KCTD16: variants seen among roughly 807,000 people sequenced by gnomAD.
KCTD16 encodes potassium channel tetramerization domain containing 16.
KCTD16 carries 13 observed loss-of-function variants against 33.2 expected under a neutral mutation model. The ratio of observed to expected loss-of-function variants is 0.39; its 90% CI spans 0.25 to 0.62. The LOEUF is 0.62. Among genes scored for constraint, KCTD16 ranks in the 20% least tolerant of loss-of-function variants. The probability of loss-of-function intolerance (pLI) is 0.50; values close to 1 mark genes in which losing one functional copy is unlikely to be tolerated. For missense variants in KCTD16, 441 were observed against 525.1 expected, an observed-to-expected ratio of 0.84 and a Z score of 1.57; for synonymous variants, 197 against 195.3, an observed-to-expected ratio of 1.01 and a Z score of -0.07.
At chr5:144,171,930 T>A (rs1752393619) in intron 1 of KCTD16, among the ~76,000 whole-genome samples, 1 of 152,202 alleles carries the variant, frequency 6.6e-6, no homozygotes, top group African/African-American at 2.4e-5. Context: ...TGACTCGAAA[T>A]AAGATGCTAT....
intron 3 of KCTD16, among the ~76,000 whole-genome samples, chr5:144,464,965 A>T (rs1754288057): frequency 6.6e-6 from 1 of 152,180 alleles, no homozygotes; most frequent in Non-Finnish European, 1.5e-5. Flanking sequence ...GATTATGAGT[A>T]AATCCCTGTG....
chr5:144,292,313 G>A (rs1290894924), intron 3 of KCTD16, among the ~76,000 whole-genome samples: 1 of 152,186 alleles, frequency 6.6e-6, no homozygotes, highest in Non-Finnish European at 1.5e-5. Context: ...GGATACTATT[G>A]AGCAGAGCAT....
At chr5:144,305,849 TAAG>T (rs998083215) in intron 3 of KCTD16, among the ~76,000 whole-genome samples, 1 of 151,870 alleles carries the variant, frequency 6.6e-6, no homozygotes, top group African/African-American at 2.4e-5. Flanking sequence ...AAATAAAAAA[TAAG>T]AAGGAGTCCA....
chr5:144,349,405 C>T (rs1752888961), intron 3 of KCTD16, among the ~76,000 whole-genome samples: 1 of 152,154 alleles, frequency 6.6e-6, no homozygotes, highest in South Asian at 2.1e-4. Context: ...ATGTGAAATA[C>T]ACAAGTAGTT....
At chr5:144,448,211 T>G (rs1389598832) in intron 3 of KCTD16, among the ~76,000 whole-genome samples, 1 of 152,158 alleles carries the variant, frequency 6.6e-6, no homozygotes, top group African/African-American at 2.4e-5. Flanking sequence ...ACTATTCACC[T>G]GATAATCACC....
chr5:144,387,138 ATTTTTTTTT>A (rs377558036), intron 3 of KCTD16, among the ~76,000 whole-genome samples: 6 of 116,162 alleles, frequency 5.2e-5, no homozygotes, highest in African/African-American at 2.0e-4. Context: ...GGCTAATTTA[ATTTTTTTTT>A]TTTTTTTTTT....
intron 3 of KCTD16, among the ~76,000 whole-genome samples, chr5:144,350,836 T>A (rs908566863): frequency 2.6e-5 from 4 of 151,984 alleles, no homozygotes; most frequent in African/African-American, 9.7e-5. Context: ...TTATTGATCT[T>A]CTCTGTCACA....
chr5:144,463,653 C>T (rs1379543098), intron 3 of KCTD16, among the ~76,000 whole-genome samples: 2 of 152,156 alleles, frequency 1.3e-5, no homozygotes, highest in African/African-American at 2.4e-5. Context: ...GGTCACACTG[C>T]CAGAGTATTC....
intron 3 of KCTD16, among the ~76,000 whole-genome samples, chr5:144,408,630 A>G (rs1032535945): frequency 1.3e-5 from 2 of 152,208 alleles, no homozygotes; most frequent in Admixed American, 6.5e-5. Context: ...TCTTGAAGGT[A>G]GAGGTATATC....
chr5:144,228,168 T>C (rs1156857435), intron 3 of KCTD16, among the ~76,000 whole-genome samples: 7 of 151,698 alleles, frequency 4.6e-5, no homozygotes, highest in African/African-American at 1.7e-4. Flanking sequence ...GAAAAGAGAG[T>C]AGGTCCGAGA....
At chr5:144,258,532 A>G (rs1405628339) in intron 3 of KCTD16, among the ~76,000 whole-genome samples, 1 of 152,188 alleles carries the variant, frequency 6.6e-6, no homozygotes, top group Non-Finnish European at 1.5e-5. Flanking sequence ...AACATGACAT[A>G]ACACAAGAGA....
chr5:144,452,165 T>TATATATATATATA (rs1561613198), intron 3 of KCTD16, among the ~76,000 whole-genome samples: 3 of 148,286 alleles, frequency 2.0e-5, no homozygotes, highest in African/African-American at 7.5e-5. Flanking sequence ...TATATATATA[T>TATATATATATATA]TCCTGTCACT....
chr5:144,467,849 C>T (rs1754381966), intron 3 of KCTD16, among the ~76,000 whole-genome samples: 2 of 152,142 alleles, frequency 1.3e-5, no homozygotes. Flanking sequence ...TCCAAACACA[C>T]CCCTTTATAC....
intron 3 of KCTD16, among the ~76,000 whole-genome samples, chr5:144,443,487 T>G (rs1753756731): frequency 6.6e-6 from 1 of 152,064 alleles, no homozygotes; most frequent in Non-Finnish European, 1.5e-5. Flanking sequence ...ATTTTTCATT[T>G]TCTGCTTTCA....
At chr5:144,423,452 G>T (rs1411976836) in intron 3 of KCTD16, among the ~76,000 whole-genome samples, 1 of 152,122 alleles carries the variant, frequency 6.6e-6, no homozygotes, top group Non-Finnish European at 1.5e-5. Flanking sequence ...ACGGGTCTCA[G>T]TCAGGTCATT....
rs1754647776 is a variant in KCTD16, at chr5:144,478,883, C to A, written c.*4769C>A. 1 of 151,884 alleles carries A rather than the reference C, an allele frequency of 6.6e-6. No individual in the cohort carries two copies. Among genetic ancestry groups the A allele is most frequent in the Admixed American group, 6.6e-5 (1 of 15,234 alleles). The allele number at this position is 151,884 out of a possible 1,614,324, so 9.4% of individuals were successfully genotyped here. ...CTTTGCCATTTCATCTGCTGTCTGT[C>A]AACCATAACCCTTTCTCCATATTGT... On this transcript the variant is annotated 3_prime_UTR_variant, in exon 4 of 4. Coordinates refer to ENST00000512467, the MANE Select transcript of KCTD16 (RefSeq NM_020768.4).
chr5:144,360,436 C>T (rs1179614368), intron 3 of KCTD16, among the ~76,000 whole-genome samples: 1 of 144,360 alleles, frequency 6.9e-6, no homozygotes, highest in Non-Finnish European at 1.5e-5. Flanking sequence ...GAATTCATCC[C>T]TTTTTTTTTT....
In KCTD16 at chr5:144,199,758, T is replaced by A. The variant is rs545792086; in HGVS notation, c.-326-6631T>A. Among the ~76,000 whole-genome samples the A allele has an allele frequency of 4.4e-5, 6 of 136,466 alleles. No individual in the cohort carries two copies. The East Asian group carries it at 7.8e-4, about 18-fold the overall frequency. The allele number at this position is 136,466 out of a possible 152,430, so 89.5% of individuals were successfully genotyped here. A position where few individuals can be genotyped will look rare whatever the true frequency, so the allele number is the denominator to read the frequency against. On this transcript the variant is annotated intron_variant, in intron 2 of 3. Coordinates refer to ENST00000512467, the MANE Select transcript of KCTD16 (RefSeq NM_020768.4). The stretch of plus-strand genomic sequence containing the variant: ...TTTGAGACAGAGTCTCGCTTTGTCA[T>A]CAGGCTGGAGTGCAGTGGCAAAATC...
intron 2 of KCTD16, among the ~76,000 whole-genome samples, chr5:144,187,469 G>C (rs1287725779): frequency 1.3e-5 from 2 of 151,668 alleles, no homozygotes; most frequent in East Asian, 3.9e-4. Context: ...CATACACACA[G>C]GGGGCAAGAG....
Sources: allele counts gnomAD v4.1 joint callset (sites outside exome capture counted in the v4.1 genomes callset), GRCh38; gene constraint gnomAD v4.1.1; transcripts MANE v1.5; gene names NCBI Gene and HGNC (gene_info 2026-07-23, HGNC 2026-07-21).